Variants in ZNF382 observed in about 807,000 individuals in gnomAD.
The protein encoded by ZNF382 is KRAB/zinc finger suppressor protein 1.
A neutral mutation model predicts 38.8 loss-of-function variants in ZNF382; 20 were observed. The observed-to-expected ratio is 0.51, with a 90% CI of 0.36 to 0.75. The LOEUF (loss-of-function observed/expected upper bound fraction) is 0.75, where lower values mean the gene tolerates loss of function less well. Ranked by LOEUF, ZNF382 falls within the 30% of genes least tolerant of loss-of-function variation. ZNF382 has a pLI of 0.00. For missense variants in ZNF382, 546 were observed against 654.1 expected (o/e 0.83, Z 1.80); for synonymous variants, 202 against 223.1 (o/e 0.91, Z 0.84).
intron 4 of ZNF382, among the ~76,000 whole-genome samples, chr19:36,625,105 T>TATATATAC (rs2037200884): frequency 8.0e-6 from 1 of 125,616 alleles, no homozygotes; most frequent in South Asian, 2.5e-4. Flanking sequence ...TATATATATA[T>TATATATAC]ATATATATAT....
At chr19:36,616,442 A>T (rs2037126813) in intron 4 of ZNF382, among the ~76,000 whole-genome samples, 1 of 152,232 alleles carries the variant, frequency 6.6e-6, no homozygotes. Context: ...TAACATACAT[A>T]CATAGACATA....
chr19:36,610,897 G>A (rs2037072146), intron 4 of ZNF382, among the ~76,000 whole-genome samples, 155 bp downstream of exon 4: 2 of 152,180 alleles, frequency 1.3e-5, no homozygotes, highest in Non-Finnish European at 2.9e-5. Flanking sequence ...GTAGCATCAA[G>A]TACATTCGCA....
At chr19:36,607,727 G>C in intron 2 of ZNF382, 105 bp downstream of exon 2, 1 of 1,236,716 alleles carries the variant, frequency 8.1e-7, no homozygotes, top group South Asian at 1.6e-5. Context: ...TTGCTTCCAT[G>C]AAATTAGTCT....
intron 4 of ZNF382, among the ~76,000 whole-genome samples, chr19:36,619,307 T>G (rs2037149908): frequency 6.6e-6 from 1 of 152,150 alleles, no homozygotes; most frequent in Non-Finnish European, 1.5e-5. Flanking sequence ...AAAGAAGCCA[T>G]CTCTACCTTT....
At chr19:36,615,200 C>T (rs2037116431) in intron 4 of ZNF382, among the ~76,000 whole-genome samples, 1 of 151,914 alleles carries the variant, frequency 6.6e-6, no homozygotes, top group Non-Finnish European at 1.5e-5. Flanking sequence ...ATTGGCCAGG[C>T]TGGTCTCGAA....
In ZNF382 at chr19:36,627,706, AC is replaced by A; in HGVS notation, c.*157del. 9.0e-6 allele frequency: 5 copies of A among 558,342 alleles called. No homozygotes were observed. In the East Asian group the frequency reaches 1.4e-4, roughly 16 times the overall value. The allele number at this position is 558,342 out of a possible 1,614,324, so 34.6% of individuals were successfully genotyped here. ...AACACACACACACACACACACACAC[AC>A]ACAAATATTATTAGACAAATTAGAT... On this transcript the variant is annotated 3_prime_UTR_variant, in exon 5 of 5. Transcript: ENST00000292928.
rs2037245550 is a variant in ZNF382 at position 36,630,325 on chromosome 19, T to C, written c.*2775T>C. On this transcript the variant is annotated 3_prime_UTR_variant, in exon 5 of 5. Coordinates refer to ENST00000292928, the MANE Select transcript of ZNF382 (RefSeq NM_032825.5). The stretch of plus-strand genomic sequence containing the variant: ...CCGTGAAGGAGGTACTTTTGAATGC[T>C]TTAAAGAAAGTCTAAATAAAGTTGC... 1 of 151,834 alleles carries C rather than the reference T, an allele frequency of 6.6e-6. No individual in the cohort carries two copies. Among genetic ancestry groups the C allele is most frequent in the East Asian group, 1.9e-4 (1 of 5,134 alleles). The allele number at this position is 151,834 out of a possible 1,614,324, so 9.4% of individuals were successfully genotyped here.
chr19:36,615,934 CATCTT>C (rs542520328), intron 4 of ZNF382, among the ~76,000 whole-genome samples: 32 of 152,206 alleles, frequency 2.1e-4, no homozygotes, highest in Admixed American at 1.3e-3. Flanking sequence ...ATATTAAACT[CATCTT>C]AGTTATCAAA....
At chr19:36,611,098 G>A (rs2037073820) in intron 4 of ZNF382, among the ~76,000 whole-genome samples, 1 of 152,040 alleles carries the variant, frequency 6.6e-6, no homozygotes, top group African/African-American at 2.4e-5. Context: ...ACCATTTCTG[G>A]CTAACACAGT....
At chr19:36,615,909 T>A (rs754534319) in intron 4 of ZNF382, among the ~76,000 whole-genome samples, 2 of 152,212 alleles carry the variant, frequency 1.3e-5, no homozygotes, top group Non-Finnish European at 2.9e-5. Context: ...TGCACCTCTT[T>A]TTATTAAACC....
In ZNF382 at chr19:36,631,174, T is replaced by C. The variant is rs1018899308; in HGVS notation, c.*3624T>C. ...AGAAATGCATCATGAGGCAGTGTCATGATCGTGCAAGCATCACAGAGTGCT... is the reference window on the plus strand; with the variant it reads ...AGAAATGCATCATGAGGCAGTGTCACGATCGTGCAAGCATCACAGAGTGCT... On this transcript the variant is annotated 3_prime_UTR_variant, in exon 5 of 5. Transcript: ENST00000292928. 2 of 152,166 alleles carry C rather than the reference T, an allele frequency of 1.3e-5. No homozygotes were observed. The highest frequency in any genetic ancestry group is 4.8e-5 in the African/African-American group (2 of 41,440). The allele number at this position is 152,166 out of a possible 1,614,324, so 9.4% of individuals were successfully genotyped here. A position where few individuals can be genotyped will look rare whatever the true frequency, so the allele number is the denominator to read the frequency against.
chr19:36,623,806 A>G (rs866721772), intron 4 of ZNF382, among the ~76,000 whole-genome samples: 4 of 145,950 alleles, frequency 2.7e-5, no homozygotes, highest in Non-Finnish European at 4.5e-5. Context: ...AAAAAAAAAA[A>G]GGGGCCGGGC....
At chr19:36,625,574 G>A (rs1296002081) in intron 4 of ZNF382, among the ~76,000 whole-genome samples, 13 of 148,724 alleles carry the variant, frequency 8.7e-5, no homozygotes, top group African/African-American at 1.7e-4. Flanking sequence ...TGGGTGGGGC[G>A]GGGGGACAGA....
chr19:36,608,859 G>A (rs1029084474), intron 2 of ZNF382: 25 of 152,186 alleles, frequency 1.6e-4, no homozygotes, highest in African/African-American at 5.8e-4. Flanking sequence ...CAGATAAAAT[G>A]CCTGTATCTT....
intron 4 of ZNF382, among the ~76,000 whole-genome samples, chr19:36,623,172 C>T (rs750989252): frequency 2.6e-5 from 4 of 152,074 alleles, no homozygotes; most frequent in African/African-American, 4.8e-5. Flanking sequence ...GCCATGCAAG[C>T]GAAAATGTCT....
intron 4 of ZNF382, among the ~76,000 whole-genome samples, chr19:36,617,511 G>T (rs1255895516): frequency 6.6e-6 from 1 of 152,112 alleles, no homozygotes; most frequent in Non-Finnish European, 1.5e-5. Context: ...GAGATGCCAA[G>T]GGGTCCAATA....
At chr19:36,615,830 A>G (rs1713356174) in intron 4 of ZNF382, among the ~76,000 whole-genome samples, 1 of 152,176 alleles carries the variant, frequency 6.6e-6, no homozygotes, top group African/African-American at 2.4e-5. Context: ...ATAGTTTTAA[A>G]CATAGTAAAT....
intron 1 of ZNF382, among the ~76,000 whole-genome samples, chr19:36,607,133 G>T (rs573736998): frequency 2.5e-4 from 37 of 150,640 alleles, no homozygotes; most frequent in African/African-American, 3.9e-4. Context: ...GATAGGCAAA[G>T]ATTTAAAAGT....
chr19:36,615,465 G>GTACAATT (rs1216702009), intron 4 of ZNF382, among the ~76,000 whole-genome samples: 1 of 152,086 alleles, frequency 6.6e-6, no homozygotes, highest in Non-Finnish European at 1.5e-5. Flanking sequence ...TTTCCTCATA[G>GTACAATT]TACAATTTTT....
Sources: gnomAD v4.1 joint callset for allele counts (sites outside exome capture counted in the v4.1 genomes callset) on GRCh38, gnomAD v4.1.1 for gene constraint, MANE v1.5 for transcripts, NCBI Gene and HGNC (gene_info 2026-07-23, HGNC 2026-07-21) for gene names.